The following SIL1 variants were observed in gnomAD, a reference collection of about 807,000 sequenced individuals.
SIL1 encodes the protein SIL1 nucleotide exchange factor, also known as nucleotide exchange factor SIL1.
Under a neutral mutation model 49.1 loss-of-function variants are expected in SIL1, and 40 were observed. The ratio of observed to expected loss-of-function variants is 0.81; its 90% CI spans 0.63 to 1.06. The LOEUF is 1.06. SIL1 is among the 50% of genes least tolerant of loss of function. The pLI, the probability that SIL1 is intolerant of heterozygous loss-of-function variation, is 0.00. For synonymous variants in SIL1, 253 were observed against 250.8 expected (o/e 1.01, Z -0.08); for missense variants, 500 against 572.6 (o/e 0.87, Z 1.29).
At chr5:138,949,836 AAAAAG>A (rs1314109224) in intron 9 of SIL1, among the ~76,000 whole-genome samples, 1 of 151,748 alleles carries the variant, frequency 6.6e-6, no homozygotes, top group Non-Finnish European at 1.5e-5. Flanking sequence ...AAAGAAAAGA[AAAAAG>A]AAAAAAGAAA....
chr5:139,020,712 C>A (rs962532361), intron 7 of SIL1, among the ~76,000 whole-genome samples: 1 of 152,198 alleles, frequency 6.6e-6, no homozygotes, highest in Non-Finnish European at 1.5e-5. Context: ...CAATTTCCAA[C>A]CTAGAGAGGG....
At chr5:139,137,343 G>A (rs1308989047) in intron 1 of SIL1, 1 of 701,722 alleles carries the variant, frequency 1.4e-6, no homozygotes, top group Non-Finnish European at 2.6e-6. Context: ...CAGAGTTCAT[G>A]CAGCCACAGA....
intron 6 of SIL1, among the ~76,000 whole-genome samples, chr5:139,021,505 C>T (rs968235562): frequency 1.3e-5 from 2 of 152,174 alleles, no homozygotes; most frequent in African/African-American, 4.8e-5. Flanking sequence ...TTGATGAGCA[C>T]CTGCGTGGGA....
Position 138,947,506 on chromosome 5 carries a change from G to T in SIL1, c.1030-33C>A. On this transcript the variant is annotated intron_variant, in intron 9 of 9. Transcript: ENST00000394817. This position sits in a 1 kb window ranked among gnomAD's most constrained non-coding sequence, Gnocchi z 4.1. ...CCGCCACAGCCGCAGGCCAGGTAGG[G>T]TGGGGGTGGGGAGAGAACACACAGG... The T allele has an allele frequency of 6.3e-7, 1 of 1,591,464 alleles. No homozygotes were observed. Among genetic ancestry groups the T allele is most frequent in the Middle Eastern group, 1.7e-4 (1 of 6,012 alleles).
intron 3 of SIL1, among the ~76,000 whole-genome samples, chr5:139,102,708 CTTTTTTT>C (rs66644479): frequency 4.3e-5 from 6 of 137,996 alleles, no homozygotes; most frequent in Non-Finnish European, 7.9e-5. Context: ...CTGCTTTTTT[CTTTTTTT>C]TTTTTTTTGT....
intron 3 of SIL1, among the ~76,000 whole-genome samples, chr5:139,068,674 AG>A (rs67292389): frequency 0.015 from 1,339 of 87,886 alleles, 13 homozygotes; most frequent in Non-Finnish European, 0.029. Flanking sequence ...AAAAAAAAAA[AG>A]AAGAGAAAGC....
chr5:139,130,293 T>TA (rs1750836848), intron 1 of SIL1, among the ~76,000 whole-genome samples: 1 of 151,056 alleles, frequency 6.6e-6, no homozygotes. Flanking sequence ...CTAAAAAAAA[T>TA]AAAAAAAATT....
intron 3 of SIL1, 135 bp from the exon 4 acceptor site, chr5:139,051,181 C>A: frequency 1.3e-6 from 1 of 742,178 alleles, no homozygotes; most frequent in Non-Finnish European, 2.4e-6. Context: ...CTCAATCCAC[C>A]CATCCCTCTC....
At chr5:138,998,632 G>C (rs1339892300) in intron 7 of SIL1, among the ~76,000 whole-genome samples, 1 of 152,172 alleles carries the variant, frequency 6.6e-6, no homozygotes, top group Non-Finnish European at 1.5e-5. Context: ...GTGACAGTGG[G>C]AGAAGGGAGC....
At chr5:139,173,592 C>T (rs766612488) in intron 1 of SIL1, among the ~76,000 whole-genome samples, 1 of 151,280 alleles carries the variant, frequency 6.6e-6, no homozygotes, top group Non-Finnish European at 1.5e-5. Context: ...AAAACTTACA[C>T]GGGACACAGC....
chr5:139,121,012 G>A, intron 3 of SIL1, 23 bp downstream of exon 3: 1 of 1,613,566 alleles, frequency 6.2e-7, no homozygotes, highest in Admixed American at 1.7e-5. Context: ...TGTGTTTTGT[G>A]GGGACAGGGC....
chr5:139,111,793 T>C (rs1770844550), intron 3 of SIL1, among the ~76,000 whole-genome samples: 1 of 152,190 alleles, frequency 6.6e-6, no homozygotes, highest in African/African-American at 2.4e-5. Flanking sequence ...TTGGATTCTA[T>C]GACAGACTAA....
At chr5:139,091,240 TA>T (rs1413337983) in intron 3 of SIL1, among the ~76,000 whole-genome samples, 1 of 151,756 alleles carries the variant, frequency 6.6e-6, no homozygotes, top group Non-Finnish European at 1.5e-5. Flanking sequence ...TTATAAAAAA[TA>T]AAAATGCATG....
chr5:139,182,221 A>G (rs920966379), intron 1 of SIL1, among the ~76,000 whole-genome samples: 2 of 152,182 alleles, frequency 1.3e-5, no homozygotes, highest in Non-Finnish European at 2.9e-5. Context: ...ACGCAGCACA[A>G]AAAGGCACTG....
At chr5:138,949,989 C>T (rs1766728625) in intron 9 of SIL1, among the ~76,000 whole-genome samples, 2 of 152,148 alleles carry the variant, frequency 1.3e-5, no homozygotes, top group African/African-American at 4.8e-5. Context: ...GCCAGTCCTC[C>T]CCTCCCCAAT....
Position 139,050,918 on chromosome 5 carries a change from C to T in SIL1, c.353+20G>A. ...CAACGTTATCACTTAGCCTCCCAGT[C>T]CCTAGGGTTGACACTGTACCTTTTG... is the stretch of plus-strand genomic sequence containing the variant. On this transcript the variant is annotated intron_variant, in intron 4 of 9. Transcript: ENST00000394817. 1.3e-6 allele frequency: 2 copies of T among 1,597,202 alleles called. No homozygotes were observed. The highest frequency in any genetic ancestry group is 1.7e-6 in the Non-Finnish European group (2 of 1,164,554).
At chr5:139,190,370 T>C (rs546979521) in intron 1 of SIL1, among the ~76,000 whole-genome samples, 2 of 152,302 alleles carry the variant, frequency 1.3e-5, no homozygotes, top group South Asian at 2.1e-4. Context: ...CATTTCGACA[T>C]GAGTAGGAGG....
intron 7 of SIL1, among the ~76,000 whole-genome samples, chr5:138,963,252 G>T (rs139930546): frequency 6.6e-6 from 1 of 152,158 alleles, no homozygotes; most frequent in Admixed American, 6.5e-5. Context: ...TTGTCAACCC[G>T]CCCTTTGAGG....
intron 1 of SIL1, among the ~76,000 whole-genome samples, chr5:139,189,101 G>A (rs764305574): frequency 3.3e-5 from 5 of 152,162 alleles, no homozygotes; most frequent in Non-Finnish European, 5.9e-5. Context: ...AAACTACGAC[G>A]TGGCTCAGAA....
Sources: gnomAD v4.1 joint callset for allele counts (sites outside exome capture counted in the v4.1 genomes callset) on GRCh38, gnomAD v4.1.1 for gene constraint, Gnocchi (gnomAD v3.1) non-coding constraint, MANE v1.5 for transcripts, NCBI Gene and HGNC (gene_info 2026-07-23, HGNC 2026-07-21) for gene names.